The following SLC8A1 variants were observed in gnomAD, a reference collection of about 807,000 sequenced individuals.
The protein encoded by SLC8A1 is sodium/calcium exchanger 1.
Under a neutral mutation model 68.3 loss-of-function variants are expected in SLC8A1, and 18 were observed. That is an observed-to-expected ratio of 0.26 (90% CI 0.18 to 0.39). The LOEUF is 0.39. Ranked by LOEUF, SLC8A1 falls within the 10% of genes least tolerant of loss-of-function variation. The probability of loss-of-function intolerance (pLI) is 1.00; values close to 1 mark genes in which losing one functional copy is unlikely to be tolerated. For missense variants in SLC8A1, 985 were observed against 1,156.7 expected (o/e 0.85, Z 2.15); for synonymous variants, 475 against 415.5 (o/e 1.14, Z -1.74).
At chr2:40,445,850 G>C (rs1159299385) in intron 1 of SLC8A1, among the ~76,000 whole-genome samples, 1 of 152,120 alleles carries the variant, frequency 6.6e-6, no homozygotes, top group East Asian at 1.9e-4. Context: ...AAACTTCTGA[G>C]AGACATTTGA....
intron 2 of SLC8A1, among the ~76,000 whole-genome samples, chr2:40,392,381 T>C (rs1559500878): frequency 6.6e-6 from 1 of 152,040 alleles, no homozygotes; most frequent in Non-Finnish European, 1.5e-5. Flanking sequence ...AACCAATAGC[T>C]AGGAACTTCC....
Position 40,437,422 on chromosome 2 carries a change from A to G in SLC8A1, c.-24-7118T>C, listed in dbSNP as rs144220626. Among the ~76,000 whole-genome samples the G allele has an allele frequency of 6.6e-5, 10 of 152,272 alleles. No homozygotes were observed. The East Asian group carries it at 1.5e-3, about 24-fold the overall frequency. On this transcript the variant is annotated intron_variant, in intron 1 of 7. Transcript: ENST00000406785. ...CTTCTATTCGTCACATAGCAAGGGA[A>G]AGATGATCCATGTGAAGGATCATCA...
chr2:40,154,206 A>G (rs1016220639), intron 6 of SLC8A1, among the ~76,000 whole-genome samples: 4 of 152,192 alleles, frequency 2.6e-5, no homozygotes, highest in Admixed American at 2.0e-4. Context: ...AAGAACAGAA[A>G]TAATGCCTAC....
At chr2:40,477,722 G>A (rs1704375760) in intron 1 of SLC8A1, among the ~76,000 whole-genome samples, 1 of 152,128 alleles carries the variant, frequency 6.6e-6, no homozygotes, top group Admixed American at 6.5e-5. Flanking sequence ...TGAGTTATAT[G>A]AGTGTGTGTG....
chr2:40,133,916 G>T, intron 7 of SLC8A1, among the ~76,000 whole-genome samples: 1 of 152,034 alleles, frequency 6.6e-6, no homozygotes, highest in Non-Finnish European at 1.5e-5. Context: ...TGACTAGGTG[G>T]CCCTTAGTCC....
At chr2:40,105,530 G>A (rs2034142212) in exon 8 of SLC8A1, 1 of 152,198 alleles carries the variant, frequency 6.6e-6, no homozygotes, top group African/African-American at 2.4e-5. Context: ...TAGAGTTGGA[G>A]TGTCAGAATA....
intron 7 of SLC8A1, among the ~76,000 whole-genome samples, chr2:40,138,791 T>G (rs2041014818): frequency 6.6e-6 from 1 of 152,206 alleles, no homozygotes; most frequent in Admixed American, 6.5e-5. Context: ...AAAGTATAGT[T>G]GCAGGTCAGA....
chr2:40,245,315 C>CTAAACATATA (rs2148990059), intron 2 of SLC8A1, among the ~76,000 whole-genome samples: 1 of 119,880 alleles, frequency 8.3e-6, no homozygotes, highest in East Asian at 2.5e-4. Flanking sequence ...CTCTCCAGCT[C>CTAAACATATA]TAAACATATA....
chr2:40,424,851 T>G (rs1696445198), intron 2 of SLC8A1, among the ~76,000 whole-genome samples: 2 of 151,856 alleles, frequency 1.3e-5, no homozygotes, highest in Admixed American at 1.3e-4. Flanking sequence ...TGTATCTACA[T>G]TAGTTAATTA....
intron 2 of SLC8A1, among the ~76,000 whole-genome samples, chr2:40,187,379 G>A (rs1001825738): frequency 2.0e-5 from 3 of 152,142 alleles, no homozygotes; most frequent in Non-Finnish European, 2.9e-5. Context: ...TAATTCTCCA[G>A]GAGGCCTTGT....
chr2:40,238,542 G>C (rs2060759680), intron 2 of SLC8A1, among the ~76,000 whole-genome samples: 2 of 152,286 alleles, frequency 1.3e-5, no homozygotes, highest in Admixed American at 6.5e-5. Flanking sequence ...ACCTCAGATG[G>C]AAATGCAGAA....
In SLC8A1 at chr2:40,325,544, CAT is replaced by C. The variant is rs1454128702; in HGVS notation, c.1808+102927_1808+102928del. The stretch of plus-strand genomic sequence containing the variant: ...TATTTTGTATCTCATTGTTATATTA[CAT>C]GTTATATTATAATACCATTAAAAAA... On this transcript the variant is annotated intron_variant, in intron 2 of 7. Coordinates refer to ENST00000406785, the Ensembl canonical transcript of SLC8A1. 5.9e-5 allele frequency among the ~76,000 whole-genome samples: 9 copies of C among 152,160 alleles called. No homozygotes were observed. In the East Asian group the frequency reaches 1.4e-3, roughly 23 times the overall value.
In SLC8A1 at chr2:40,499,903, G is replaced by A. The variant is rs77906074; in HGVS notation, c.-25+12446C>T. 7.1e-3 allele frequency among the ~76,000 whole-genome samples: 1,084 copies of A among 151,946 alleles called. 14 individuals are homozygous for A. The highest frequency in any genetic ancestry group is 0.025 in the African/African-American group (1,037 of 41,422). On this transcript the variant is annotated intron_variant, in intron 1 of 7. Coordinates refer to the SLC8A1 transcript ENST00000402441. Reference sequence around the variant, plus strand: ...TAAGCCTTTATTTAAAATATTCTCGGGTATAAACTGAAGTCCATGGAGCCA... The same window carrying A: ...TAAGCCTTTATTTAAAATATTCTCGAGTATAAACTGAAGTCCATGGAGCCA...
At chr2:40,147,646 G>C (rs114677053) in intron 6 of SLC8A1, among the ~76,000 whole-genome samples, 1 of 152,132 alleles carries the variant, frequency 6.6e-6, no homozygotes, top group South Asian at 2.1e-4. Context: ...AAGCTGAGTC[G>C]TGAAGCAACT....
intron 2 of SLC8A1, among the ~76,000 whole-genome samples, chr2:40,310,812 T>A (rs902374700): frequency 6.6e-6 from 1 of 152,120 alleles, no homozygotes; most frequent in South Asian, 2.1e-4. Flanking sequence ...CAGATGGATC[T>A]GGTCATATGT....
Position 40,301,487 on chromosome 2 carries a change from C to T in SLC8A1, c.1809-123632G>A, listed in dbSNP as rs544962921. Among the ~76,000 whole-genome samples, 4 of 152,052 alleles carry T rather than the reference C, an allele frequency of 2.6e-5. No homozygotes were observed. The South Asian group carries it at 8.3e-4, about 32-fold the overall frequency. On this transcript the variant is annotated intron_variant, in intron 2 of 7. Coordinates refer to ENST00000406785, the Ensembl canonical transcript of SLC8A1. ...GACTATTATTCTAAGGGAAGTAACT[C>T]AGGAATAGAAAACCAAAGATCATAT...
At chr2:40,396,924 T>C (rs1481692483) in intron 2 of SLC8A1, among the ~76,000 whole-genome samples, 4 of 151,814 alleles carry the variant, frequency 2.6e-5, no homozygotes, top group Non-Finnish European at 5.9e-5. Flanking sequence ...TTAGGGGAGG[T>C]GGGCTTTGTC....
At chr2:40,445,363 A>T (rs1701252667) in intron 1 of SLC8A1, among the ~76,000 whole-genome samples, 1 of 152,010 alleles carries the variant, frequency 6.6e-6, no homozygotes, top group East Asian at 1.9e-4. Context: ...TTCCCTTTCC[A>T]CCCTGAAGAA....
At chr2:40,265,867 A>G (rs1372808608) in intron 2 of SLC8A1, among the ~76,000 whole-genome samples, 2 of 152,148 alleles carry the variant, frequency 1.3e-5, no homozygotes, top group Non-Finnish European at 2.9e-5. Flanking sequence ...AGAAAAAAAA[A>G]ATCTACTAGC....
Sources: allele counts gnomAD v4.1 joint callset (sites outside exome capture counted in the v4.1 genomes callset), GRCh38; gene constraint gnomAD v4.1.1; transcripts MANE v1.5; gene names NCBI Gene and HGNC (gene_info 2026-07-23, HGNC 2026-07-21).